Variants in PDZD2 observed in about 807,000 individuals in gnomAD.
PDZD2 encodes the protein PDZ domain containing 2.
In PDZD2, 90 loss-of-function variants were observed where a neutral mutation model predicts 220.7. The observed-to-expected ratio is 0.41, with a 90% confidence interval of 0.34 to 0.49. The LOEUF is 0.49. Ranked by LOEUF, PDZD2 falls within the 20% of genes least tolerant of loss-of-function variation. PDZD2 has a pLI of 0.28. For synonymous variants in PDZD2, 1,375 were observed against 1,450.5 expected, an observed-to-expected ratio of 0.95 and a Z score of 1.18; for missense variants, 3,174 against 3,608.5, an observed-to-expected ratio of 0.88 and a Z score of 3.08.
intron 1 of PDZD2, among the ~76,000 whole-genome samples, chr5:31,711,344 G>A (rs1440674466): frequency 6.6e-6 from 1 of 152,184 alleles, no homozygotes; most frequent in Non-Finnish European, 1.5e-5. Flanking sequence ...TGTGTGACAG[G>A]GGATGGGAAG....
intron 2 of PDZD2, among the ~76,000 whole-genome samples, chr5:31,967,738 G>A (rs1748882478): frequency 1.3e-5 from 2 of 152,152 alleles, no homozygotes; most frequent in Admixed American, 6.5e-5. Flanking sequence ...TGGGGAGGAG[G>A]ATGCCCTGGA....
chr5:31,780,219 CA>C (rs1752978133), intron 1 of PDZD2, among the ~76,000 whole-genome samples: 1 of 151,964 alleles, frequency 6.6e-6, no homozygotes, highest in Non-Finnish European at 1.5e-5. Flanking sequence ...GGGAAGGCGG[CA>C]GGAAAAGTCA....
chr5:31,987,372 A>G (rs919483841), intron 3 of PDZD2, among the ~76,000 whole-genome samples: 2 of 152,228 alleles, frequency 1.3e-5, no homozygotes, highest in African/African-American at 4.8e-5. Context: ...GTGGTTCAGC[A>G]GAGACCTCAT....
intron 1 of PDZD2, among the ~76,000 whole-genome samples, chr5:31,720,392 A>G (rs928308334): frequency 2.0e-5 from 3 of 152,230 alleles, no homozygotes; most frequent in African/African-American, 7.2e-5. Flanking sequence ...AAACATCACA[A>G]CATAGTGAAA....
rs759533164 is a variant in PDZD2, at chr5:32,107,940, T to TATTA, written c.8354-24_8354-21dup. On this transcript the variant is annotated intron_variant, in intron 24 of 24. Transcript: ENST00000438447. ...TTTGAATACTATGAAACTGCCAAGC[T>TATTA]ATTAATTATTCTGTGTTTATTCTCG... is the stretch of plus-strand genomic sequence containing the variant. 1.3e-5 allele frequency: 20 copies of TATTA among 1,546,114 alleles called. No individual in the cohort carries two copies. In the Middle Eastern group the frequency reaches 8.5e-4, roughly 66 times the overall value.
At chr5:31,900,540 G>A (rs1179103090) in intron 2 of PDZD2, among the ~76,000 whole-genome samples, 1 of 152,126 alleles carries the variant, frequency 6.6e-6, no homozygotes, top group Non-Finnish European at 1.5e-5. Context: ...GCTCCTGCAG[G>A]ATCTGGCCAG....
chr5:31,791,773 G>A (rs1753745879), intron 1 of PDZD2, among the ~76,000 whole-genome samples: 1 of 152,044 alleles, frequency 6.6e-6, no homozygotes, highest in Non-Finnish European at 1.5e-5. Context: ...ACACTTTCCA[G>A]TCCGCAACTT....
intron 1 of PDZD2, among the ~76,000 whole-genome samples, chr5:31,662,843 G>A (rs530306826): frequency 1.9e-4 from 29 of 152,270 alleles, no homozygotes; most frequent in Admixed American, 1.6e-3. Flanking sequence ...TGTTAGCCAG[G>A]ATGGTCTTGA....
intron 2 of PDZD2, among the ~76,000 whole-genome samples, chr5:31,933,912 T>G (rs1581112949): frequency 6.6e-6 from 1 of 152,210 alleles, no homozygotes; most frequent in Non-Finnish European, 1.5e-5. Flanking sequence ...TTCAGAAACT[T>G]GGGTCGGTTA....
At chr5:31,782,083 G>A (rs1052230547) in intron 1 of PDZD2, among the ~76,000 whole-genome samples, 1 of 152,208 alleles carries the variant, frequency 6.6e-6, no homozygotes, top group African/African-American at 2.4e-5. Context: ...TGAAAGGCCT[G>A]TTGAGGCAGG....
At chr5:31,874,284 A>G (rs1205779376) in intron 2 of PDZD2, among the ~76,000 whole-genome samples, 2 of 152,202 alleles carry the variant, frequency 1.3e-5, no homozygotes, top group Non-Finnish European at 2.9e-5. Context: ...TGGGCACTAT[A>G]GCCTGGCCAC....
intron 2 of PDZD2, among the ~76,000 whole-genome samples, chr5:31,816,808 T>G (rs1284608802): frequency 6.6e-6 from 1 of 152,190 alleles, no homozygotes; most frequent in Non-Finnish European, 1.5e-5. Flanking sequence ...ATTGATTAAA[T>G]CATAATCAAT....
intron 24 of PDZD2, chr5:32,103,858 C>T (rs1336020882): frequency 6.6e-6 from 1 of 152,328 alleles, no homozygotes; most frequent in Non-Finnish European, 1.5e-5. Flanking sequence ...GAGATGACAT[C>T]CTTCAGATCT....
chr5:31,881,967 C>T (rs1580982562), intron 2 of PDZD2, among the ~76,000 whole-genome samples: 3 of 152,300 alleles, frequency 2.0e-5, no homozygotes, highest in South Asian at 4.2e-4. Flanking sequence ...GATCCACCCA[C>T]CTCGGTCTCC....
At chr5:32,094,833 G>A (rs571982761) in intron 21 of PDZD2, among the ~76,000 whole-genome samples, 4 of 152,138 alleles carry the variant, frequency 2.6e-5, no homozygotes, top group African/African-American at 4.8e-5. Flanking sequence ...AGCTATGATC[G>A]TGCCAGCGCA....
chr5:32,047,866 C>T (rs1271919832), intron 7 of PDZD2, among the ~76,000 whole-genome samples: 2 of 152,126 alleles, frequency 1.3e-5, no homozygotes, highest in African/African-American at 4.8e-5. Flanking sequence ...AGGAGCCAGA[C>T]AAAAAGCATG....
Position 32,016,239 on chromosome 5 carries a change from G to A in PDZD2, c.1407+5757G>A, listed in dbSNP as rs114498588. 1.8e-3 allele frequency among the ~76,000 whole-genome samples: 271 copies of A among 152,264 alleles called. 1 individual carries two copies. The highest frequency in any genetic ancestry group is 6.1e-3 in the African/African-American group (255 of 41,554). On this transcript the variant is annotated intron_variant, in intron 6 of 24. Coordinates refer to ENST00000438447, the MANE Select transcript of PDZD2 (RefSeq NM_178140.4). Reference sequence around the variant, plus strand: ...GGAGAGGACCTCTTGTGTTTTATTTGGACTGAATAATTGATCAAATGTCCG... The same window carrying A: ...GGAGAGGACCTCTTGTGTTTTATTTAGACTGAATAATTGATCAAATGTCCG...
intron 1 of PDZD2, among the ~76,000 whole-genome samples, chr5:31,686,024 C>G (rs1233660364): frequency 6.6e-6 from 1 of 151,878 alleles, no homozygotes; most frequent in African/African-American, 2.4e-5. Context: ...ATGGTGAAAC[C>G]CTGTCTCTAA....
intron 3 of PDZD2, among the ~76,000 whole-genome samples, chr5:31,995,127 G>A (rs1009475062): frequency 3.3e-5 from 5 of 152,258 alleles, no homozygotes; most frequent in Middle Eastern, 3.4e-3. Flanking sequence ...CAGTGTTGAC[G>A]TGCACAGTGG....
Sources: gnomAD v4.1 joint callset for allele counts (sites outside exome capture counted in the v4.1 genomes callset) on GRCh38, gnomAD v4.1.1 for gene constraint, MANE v1.5 for transcripts, NCBI Gene and HGNC (gene_info 2026-07-23, HGNC 2026-07-21) for gene names.